Variants in GRIA4 observed in about 807,000 individuals in gnomAD.
GRIA4 encodes glutamate ionotropic receptor AMPA type subunit 4, also known as glutamate receptor 4.
A neutral mutation model predicts 104.0 loss-of-function variants in GRIA4; 34 were observed. That is an observed-to-expected ratio of 0.33 (90% CI 0.25 to 0.44). The LOEUF (loss-of-function observed/expected upper bound fraction) is 0.44. Ranked by LOEUF, GRIA4 falls within the 20% of genes least tolerant of loss-of-function variation. GRIA4 has a pLI of 1.00. For synonymous variants in GRIA4, 386 were observed against 381.9 expected (o/e 1.01, Z -0.13); for missense variants, 750 against 1,096.5 (o/e 0.68, Z 4.46).
At chr11:105,660,974 T>C (rs1156887500) in intron 3 of GRIA4, among the ~76,000 whole-genome samples, 3 of 151,588 alleles carry the variant, frequency 2.0e-5, no homozygotes, top group African/African-American at 4.8e-5. Context: ...GAAGAGAAAG[T>C]ATGTGTTCTT....
intron 4 of GRIA4, among the ~76,000 whole-genome samples, chr11:105,860,429 C>T (rs746145062): frequency 5.3e-5 from 8 of 152,050 alleles, no homozygotes; most frequent in Non-Finnish European, 1.0e-4. Context: ...TTTAATCCAC[C>T]CAGCTCTCTA....
chr11:105,624,841 C>T (rs1950845156), intron 3 of GRIA4, among the ~76,000 whole-genome samples: 1 of 151,996 alleles, frequency 6.6e-6, no homozygotes, highest in African/African-American at 2.4e-5. Flanking sequence ...AATAACATTA[C>T]TCCTCATTTT....
intron 4 of GRIA4, among the ~76,000 whole-genome samples, chr11:105,775,169 C>A (rs1384102844): frequency 1.3e-5 from 2 of 152,126 alleles, no homozygotes; most frequent in Admixed American, 1.3e-4. Flanking sequence ...CATGCCTTCT[C>A]CTCTTGCATC....
At chr11:105,920,741 GTTA>G (rs1947535744) in intron 11 of GRIA4, among the ~76,000 whole-genome samples, 1 of 152,082 alleles carries the variant, frequency 6.6e-6, no homozygotes, top group South Asian at 2.1e-4. Flanking sequence ...TAACATAATG[GTTA>G]TTAATATTAT....
At chr11:105,708,919 T>C (rs1339261790) in intron 3 of GRIA4, among the ~76,000 whole-genome samples, 1 of 152,110 alleles carries the variant, frequency 6.6e-6, no homozygotes, top group South Asian at 2.1e-4. Context: ...GAAGTAAATG[T>C]AGATGTGTAG....
At chr11:105,696,589 A>C (rs1953284968) in intron 3 of GRIA4, among the ~76,000 whole-genome samples, 1 of 152,210 alleles carries the variant, frequency 6.6e-6, no homozygotes, top group South Asian at 2.1e-4. Context: ...TAAATACAAT[A>C]GGCACACTAT....
At chr11:105,675,043 G>T (rs1952492089) in intron 3 of GRIA4, among the ~76,000 whole-genome samples, 1 of 151,796 alleles carries the variant, frequency 6.6e-6, no homozygotes, top group Non-Finnish European at 1.5e-5. Flanking sequence ...TGGGGAAAAA[G>T]TTCTTATAGT....
intron 4 of GRIA4, among the ~76,000 whole-genome samples, chr11:105,838,007 G>A (rs1282771274): frequency 6.6e-6 from 1 of 151,948 alleles, no homozygotes; most frequent in African/African-American, 2.4e-5. Context: ...CAAAACTATT[G>A]ACCTATTTTT....
intron 14 of GRIA4, among the ~76,000 whole-genome samples, chr11:105,941,491 A>G (rs533177171): frequency 2.0e-5 from 3 of 152,300 alleles, no homozygotes; most frequent in African/African-American, 7.2e-5. Flanking sequence ...CATTTTAAAT[A>G]CCATCAACCA....
At chr11:105,950,532 T>C (rs1329983856) in intron 14 of GRIA4, among the ~76,000 whole-genome samples, 1 of 141,576 alleles carries the variant, frequency 7.1e-6, no homozygotes, top group Non-Finnish European at 1.5e-5. Context: ...CTTAAATCAA[T>C]AAGAACTTTG....
intron 4 of GRIA4, among the ~76,000 whole-genome samples, chr11:105,773,818 G>C (rs1229350306): frequency 6.6e-6 from 1 of 150,856 alleles, no homozygotes; most frequent in Non-Finnish European, 1.5e-5. Flanking sequence ...ATAATCTATG[G>C]TCGATAACAA....
chr11:105,824,804 T>C (rs1261924307), intron 4 of GRIA4: 1 of 152,082 alleles, frequency 6.6e-6, no homozygotes, highest in Non-Finnish European at 1.5e-5. Context: ...ATCTGTGGGG[T>C]ACATAATCTA....
chr11:105,628,575 C>G (rs755302397), intron 3 of GRIA4, among the ~76,000 whole-genome samples: 1 of 152,086 alleles, frequency 6.6e-6, no homozygotes, highest in Non-Finnish European at 1.5e-5. Flanking sequence ...TGAAGAAGAA[C>G]GTGTTTGCTT....
intron 4 of GRIA4, among the ~76,000 whole-genome samples, chr11:105,814,516 C>T (rs1004933267): frequency 6.6e-6 from 1 of 152,108 alleles, no homozygotes; most frequent in Non-Finnish European, 1.5e-5. Context: ...GCAAGTTAAT[C>T]TCTATGAATT....
intron 3 of GRIA4, among the ~76,000 whole-genome samples, chr11:105,658,979 CA>C (rs1006663710): frequency 2.7e-4 from 41 of 151,920 alleles, no homozygotes; most frequent in African/African-American, 9.9e-4. Flanking sequence ...AACTAGTAAA[CA>C]GACATAAATC....
chr11:105,626,921 G>T (rs1181780391), intron 3 of GRIA4, among the ~76,000 whole-genome samples: 1 of 152,168 alleles, frequency 6.6e-6, no homozygotes, highest in Non-Finnish European at 1.5e-5. Flanking sequence ...ATTTTTTAAA[G>T]CACGAGTTAT....
chr11:105,687,447 G>C (rs1952919237), intron 3 of GRIA4, among the ~76,000 whole-genome samples: 1 of 152,210 alleles, frequency 6.6e-6, no homozygotes, highest in African/African-American at 2.4e-5. Flanking sequence ...GAAAGAGACA[G>C]ATGCTGAAGG....
At chr11:105,765,645 G>C (rs1024035925) in intron 4 of GRIA4, among the ~76,000 whole-genome samples, 7 of 152,284 alleles carry the variant, frequency 4.6e-5, no homozygotes, top group Non-Finnish European at 8.8e-5. Flanking sequence ...ACAGGGGCCA[G>C]CTAACTACAG....
chr11:105,803,051 T>C (rs1942790277), intron 4 of GRIA4, among the ~76,000 whole-genome samples: 1 of 152,060 alleles, frequency 6.6e-6, no homozygotes, highest in Non-Finnish European at 1.5e-5. Flanking sequence ...AAAAGAAATG[T>C]GATCTACCAG....
Sources: allele counts gnomAD v4.1 joint callset (sites outside exome capture counted in the v4.1 genomes callset), GRCh38; gene constraint gnomAD v4.1.1; transcripts MANE v1.5; gene names NCBI Gene and HGNC (gene_info 2026-07-23, HGNC 2026-07-21).